Variants in C3orf20 observed in about 807,000 individuals in gnomAD.
C3orf20 encodes the protein uncharacterized protein C3orf20.
A neutral mutation model predicts 88.3 loss-of-function variants in C3orf20; 76 were observed. The ratio of observed to expected loss-of-function variants is 0.86; its 90% CI spans 0.72 to 1.04. The LOEUF is 1.04. Ranked by LOEUF, C3orf20 falls within the 50% of genes least tolerant of loss-of-function variation. The pLI is 0.00. For missense variants in C3orf20, 1,056 were observed against 1,123.3 expected (o/e 0.94, Z 0.86); for synonymous variants, 436 against 437.4 (o/e 1.00, Z 0.04).
In C3orf20 at chr3:14,761,544, G is replaced by A. The variant is rs775685431; in HGVS notation, c.2424G>A (p.Leu808=). Residue 808 remains leucine (L), a synonymous_variant, in exon 15 of 17, where the codon CTG becomes CTA. Coordinates refer to ENST00000253697, the MANE Select transcript of C3orf20 (RefSeq NM_032137.5). ...LNGYGLSKQN[L]LKQIFRSQQD... ...GATATGGCCTCAGCAAGCAGAATCT[G>A]CTGAAACAGATCTTCCGGTCTCAAC... 1 of 1,613,998 alleles carries A rather than the reference G, an allele frequency of 6.2e-7. No individual in the cohort carries two copies. The highest frequency in any genetic ancestry group is 1.3e-5 in the African/African-American group (1 of 74,910).
chr3:14,770,208 A>G (rs947427051), intron 15 of C3orf20, among the ~76,000 whole-genome samples: 32 of 152,174 alleles, frequency 2.1e-4, no homozygotes, highest in African/African-American at 7.2e-4. Context: ...CAGGCCTCTA[A>G]GAGAGGCGTT....
intron 9 of C3orf20, among the ~76,000 whole-genome samples, chr3:14,720,129 A>G (rs896198800): frequency 6.6e-6 from 1 of 152,104 alleles, no homozygotes; most frequent in Non-Finnish European, 1.5e-5. Context: ...TCCCGGGTTC[A>G]TGCCATTCTC....
chr3:14,758,835 T>A (rs2035468356), intron 13 of C3orf20, among the ~76,000 whole-genome samples: 1 of 151,894 alleles, frequency 6.6e-6, no homozygotes, highest in African/African-American at 2.4e-5. Flanking sequence ...TTTTCACTTG[T>A]CCCATACAGC....
At chr3:14,677,273 A>G (rs1395485290) in intron 1 of C3orf20, among the ~76,000 whole-genome samples, 1 of 152,178 alleles carries the variant, frequency 6.6e-6, no homozygotes, top group African/African-American at 2.4e-5. Flanking sequence ...AATCAGTGCC[A>G]GTAAAGGGGT....
chr3:14,759,245 A>G (rs1368881801), intron 13 of C3orf20, among the ~76,000 whole-genome samples: 7 of 152,192 alleles, frequency 4.6e-5, no homozygotes, highest in Non-Finnish European at 8.8e-5. Flanking sequence ...TCTGAGTTTC[A>G]TATTGTAGAC....
chr3:14,727,818 T>C (rs1459373227), intron 11 of C3orf20, among the ~76,000 whole-genome samples: 1 of 152,234 alleles, frequency 6.6e-6, no homozygotes, highest in Admixed American at 6.5e-5. Flanking sequence ...GTACATGTTC[T>C]AATTATACAT....
intron 15 of C3orf20, 98 bp from the exon 16 acceptor site, chr3:14,771,968 CT>C (rs1196926041): frequency 5.3e-5 from 78 of 1,474,244 alleles, no homozygotes; most frequent in Admixed American, 2.6e-4. Flanking sequence ...AGGAGAAGCA[CT>C]TGTGTCCTTG....
At chr3:14,709,835 AT>A (rs1172278379) in intron 7 of C3orf20, among the ~76,000 whole-genome samples, 1 of 152,046 alleles carries the variant, frequency 6.6e-6, no homozygotes, top group Non-Finnish European at 1.5e-5. Context: ...TTTTCTTTTT[AT>A]GTATTTGTCT....
At chr3:14,696,431 A>T (rs1358818934) in intron 5 of C3orf20, among the ~76,000 whole-genome samples, 2 of 150,334 alleles carry the variant, frequency 1.3e-5, no homozygotes, top group Admixed American at 1.3e-4. Flanking sequence ...ACGCTCTGTC[A>T]CTCAGGCTGC....
intron 10 of C3orf20, among the ~76,000 whole-genome samples, chr3:14,723,087 AT>A (rs1382484518): frequency 1.3e-5 from 2 of 152,238 alleles, no homozygotes; most frequent in Admixed American, 6.5e-5. Context: ...CAGAGCAATT[AT>A]ATACCTGGAG....
chr3:14,735,185 T>C lies in C3orf20; in HGVS notation c.1940+6497T>C, dbSNP rs557319884. 3.3e-5 allele frequency among the ~76,000 whole-genome samples: 5 copies of C among 152,016 alleles called. No individual in the cohort carries two copies. The South Asian group carries it at 1.0e-3, about 31-fold the overall frequency. ...AGAGTATTTAATCTTTTTACATTAA[T>C]ATAGTTACTTAAATATTTGGGCTAA... On this transcript the variant is annotated intron_variant, in intron 12 of 16. Transcript: ENST00000253697.
At chr3:14,737,037 G>A (rs915815075) in intron 12 of C3orf20, among the ~76,000 whole-genome samples, 1 of 151,830 alleles carries the variant, frequency 6.6e-6, no homozygotes, top group Non-Finnish European at 1.5e-5. Context: ...TTTTTCTCTG[G>A]CTGTTTTTTT....
chr3:14,746,632 G>A (rs903688970), intron 12 of C3orf20, among the ~76,000 whole-genome samples: 2 of 152,170 alleles, frequency 1.3e-5, no homozygotes, highest in African/African-American at 4.8e-5. Context: ...TGTTCCAGTG[G>A]TCTCTGGTCT....
intron 12 of C3orf20, among the ~76,000 whole-genome samples, chr3:14,739,040 C>G (rs2034820874): frequency 6.6e-6 from 1 of 151,966 alleles, no homozygotes; most frequent in African/African-American, 2.4e-5. Flanking sequence ...ATCCACCTGC[C>G]TCGGCCTCCC....
intron 14 of C3orf20, 45 bp downstream of exon 14, chr3:14,760,043 G>A (rs2729697): frequency 0.3 from 424,159 of 1,395,172 alleles, 68,138 homozygotes; most frequent in Non-Finnish European, 0.34. Context: ...CACCCCAGCC[G>A]CAGCCACCTC....
intron 9 of C3orf20, among the ~76,000 whole-genome samples, chr3:14,716,233 A>C (rs2033937121): frequency 6.6e-6 from 1 of 152,228 alleles, no homozygotes; most frequent in Non-Finnish European, 1.5e-5. Flanking sequence ...AGAGATTGGA[A>C]GGAGAAACAA....
intron 5 of C3orf20, among the ~76,000 whole-genome samples, chr3:14,694,604 G>A (rs933330078): frequency 6.6e-6 from 1 of 151,880 alleles, no homozygotes; most frequent in Non-Finnish European, 1.5e-5. Context: ...CAAAAGGTTG[G>A]TCAAATTTGT....
chr3:14,686,286 G>T (rs1003118572), intron 4 of C3orf20, among the ~76,000 whole-genome samples: 11 of 152,026 alleles, frequency 7.2e-5, no homozygotes, highest in Non-Finnish European at 1.3e-4. Context: ...GAATAATACT[G>T]CAATGAGCAT....
chr3:14,675,693 ATTTATTT>A (rs2031727448), intron 1 of C3orf20, among the ~76,000 whole-genome samples: 1 of 7,146 alleles, frequency 1.4e-4, no homozygotes. Flanking sequence ...TGTTTTTGTT[ATTTATTT>A]ATTTATTTAT....
Sources: allele counts gnomAD v4.1 joint callset (sites outside exome capture counted in the v4.1 genomes callset), GRCh38; gene constraint gnomAD v4.1.1; transcripts MANE v1.5; gene names NCBI Gene and HGNC (gene_info 2026-07-23, HGNC 2026-07-21).